The following NCOR2 variants were observed in gnomAD, a reference collection of about 807,000 sequenced individuals.
NCOR2 encodes nuclear receptor corepressor 2, also known as CTG repeat protein 26.
NCOR2 carries 81 observed loss-of-function variants against 262.9 expected under a neutral mutation model. The ratio of observed to expected loss-of-function variants is 0.31; its 90% CI spans 0.26 to 0.37. NCOR2 has a LOEUF of 0.37. NCOR2 is among the 10% of genes least tolerant of loss of function. The pLI is 1.00. For missense variants in NCOR2, 3,385 were observed against 3,621.4 expected, an observed-to-expected ratio of 0.93 and a Z score of 1.68; for synonymous variants, 1,659 against 1,559.3, an observed-to-expected ratio of 1.06 and a Z score of -1.51.
At chr12:124,360,631 G>A (rs897269955) in intron 22 of NCOR2, among the ~76,000 whole-genome samples, 7 of 152,054 alleles carry the variant, frequency 4.6e-5, no homozygotes, top group South Asian at 4.1e-4. Flanking sequence ...CACACAATCC[G>A]GTCCCCACTT....
intron 17 of NCOR2, among the ~76,000 whole-genome samples, chr12:124,381,806 G>C (rs529713408): frequency 1.3e-5 from 2 of 152,238 alleles, no homozygotes; most frequent in Non-Finnish European, 2.9e-5. Flanking sequence ...CGTGGAAGCC[G>C]AGCCCCAGGG....
At chr12:124,487,731 G>A (rs994457941) in intron 1 of NCOR2, among the ~76,000 whole-genome samples, 5 of 152,202 alleles carry the variant, frequency 3.3e-5, no homozygotes, top group Admixed American at 6.5e-5. Flanking sequence ...TGTCCTGTAC[G>A]GTCTTCCTGC....
chr12:124,351,421 C>T (rs1440733135), intron 27 of NCOR2, among the ~76,000 whole-genome samples: 2 of 152,204 alleles, frequency 1.3e-5, no homozygotes, highest in Non-Finnish European at 2.9e-5. Flanking sequence ...TTAACAGCAT[C>T]CCTGGCTTCA....
At chr12:124,413,783 C>T (rs1310273284) in intron 13 of NCOR2, among the ~76,000 whole-genome samples, 1 of 152,070 alleles carries the variant, frequency 6.6e-6, no homozygotes, top group Non-Finnish European at 1.5e-5. Context: ...TGAGGAAGAG[C>T]CCTCAGCAAC....
chr12:124,380,883 T>C (rs1815649837), intron 17 of NCOR2, among the ~76,000 whole-genome samples: 1 of 152,090 alleles, frequency 6.6e-6, no homozygotes, highest in Non-Finnish European at 1.5e-5. Context: ...GAGTTACAGT[T>C]AATCCTTACA....
At chr12:124,402,227 C>T (rs567027162) in intron 14 of NCOR2, among the ~76,000 whole-genome samples, 177 bp downstream of exon 16, 23 of 152,054 alleles carry the variant, frequency 1.5e-4, no homozygotes, top group African/African-American at 5.1e-4. Context: ...AGGAGTAGGG[C>T]GATGGGTGGG....
chr12:124,472,459 C>CA (rs2046875439), intron 4 of NCOR2, among the ~76,000 whole-genome samples: 1 of 152,142 alleles, frequency 6.6e-6, no homozygotes, highest in African/African-American at 2.4e-5. Flanking sequence ...GTTAGGAGGC[C>CA]AGTCCATTCA....
intron 20 of NCOR2, among the ~76,000 whole-genome samples, chr12:124,368,990 C>A (rs1022493081): frequency 6.6e-6 from 1 of 152,256 alleles, no homozygotes; most frequent in East Asian, 1.9e-4. Context: ...CTCCAGCCCC[C>A]TCTTGGGGTG....
In NCOR2 at chr12:124,504,604, T is replaced by C. The variant is rs758445252; in HGVS notation, c.-117-9236A>G. 1.3e-5 allele frequency among the ~76,000 whole-genome samples: 2 copies of C among 152,166 alleles called. No individual in the cohort carries two copies. The highest frequency in any genetic ancestry group is 4.8e-5 in the African/African-American group (2 of 41,436). ...GATTAGAATGCCCACAGCAGCACTA[T>C]TTACATCAGCCAACAAGCAGAAACA... On this transcript the variant is annotated intron_variant, in intron 1 of 46. Coordinates refer to the NCOR2 transcript ENST00000404621. This position sits in a 1 kb window ranked among gnomAD's most constrained non-coding sequence, Gnocchi z 4.5.
chr12:124,520,628 A>G (rs948714882), intron 1 of NCOR2, among the ~76,000 whole-genome samples: 1 of 152,142 alleles, frequency 6.6e-6, no homozygotes, highest in Admixed American at 6.5e-5. Context: ...TGAGTGACTT[A>G]ATGAAGACCA....
chr12:124,350,771 T>C (rs1448763652), intron 27 of NCOR2, 34 bp from the exon 30 acceptor site: 3 of 1,594,232 alleles, frequency 1.9e-6, no homozygotes, highest in Admixed American at 1.7e-5. Flanking sequence ...CCCAGGAGGC[T>C]GCAGCCCAGG....
intron 26 of NCOR2, 116 bp from the exon 29 acceptor site, chr12:124,354,312 G>T: frequency 8.2e-7 from 1 of 1,223,350 alleles, no homozygotes; most frequent in Non-Finnish European, 1.1e-6. Context: ...TTGTTTCAAC[G>T]CAGAGGGAGT....
At chr12:124,473,008 C>T (rs369121940) in exon 4 of NCOR2, 8 of 1,614,188 alleles carry the variant, frequency 5.0e-6, no homozygotes, top group Middle Eastern at 1.6e-4. Context: ...TCTCGGTCCA[C>T]GCGGTCCATG....
intron 1 of NCOR2, among the ~76,000 whole-genome samples, chr12:124,560,865 G>A (rs924544911): frequency 1.3e-5 from 2 of 152,154 alleles, no homozygotes; most frequent in Admixed American, 6.5e-5. Context: ...AACTGGCAGA[G>A]TTTTGAATGC....
chr12:124,559,200 C>T (rs2051988828), intron 1 of NCOR2, among the ~76,000 whole-genome samples: 1 of 152,204 alleles, frequency 6.6e-6, no homozygotes, highest in South Asian at 2.1e-4. Context: ...CAAAGAAAGG[C>T]CAGCAGGAGA....
intron 8 of NCOR2, among the ~76,000 whole-genome samples, chr12:124,437,156 T>C (rs945070320): frequency 6.6e-6 from 1 of 151,978 alleles, no homozygotes; most frequent in African/African-American, 2.4e-5. Context: ...AAGGCAAGAC[T>C]TGAGTTGAAA....
Position 124,457,282 on chromosome 12 carries a change from G to A in NCOR2, c.706-120C>T. 4.4e-6 allele frequency: 5 copies of A among 1,136,876 alleles called. No homozygotes were observed. Among genetic ancestry groups the A allele is most frequent in the Middle Eastern group, 2.4e-4 (1 of 4,140 alleles). The allele number at this position is 1,136,876 out of a possible 1,614,324, so 70.4% of individuals were successfully genotyped here. A position where few individuals can be genotyped will look rare whatever the true frequency, so the allele number is the denominator to read the frequency against. On this transcript the variant is annotated intron_variant, in intron 5 of 46. Coordinates refer to ENST00000405201, the Ensembl canonical transcript of NCOR2. This position sits in a 1 kb window ranked among gnomAD's most constrained non-coding sequence, Gnocchi z 4.0. ...GCCCAGTCCAGCATGCTGATCCTCA[G>A]CACGGGGGAGGGAGGCCCGGGGCCC...
At chr12:124,383,533 CAAA>C (rs72488781) in intron 17 of NCOR2, 142 of 463,154 alleles carry the variant, frequency 3.1e-4, no homozygotes, top group Non-Finnish European at 3.4e-4. Context: ...CCTTCCAACT[CAAA>C]AAAAAAAAAA....
At chr12:124,402,003 C>A (rs370397288) in intron 14 of NCOR2, among the ~76,000 whole-genome samples, 1 of 152,186 alleles carries the variant, frequency 6.6e-6, no homozygotes, top group East Asian at 1.9e-4. Flanking sequence ...CGCCTGCACA[C>A]CTAGTCCTTC....
Sources: gnomAD v4.1 joint callset for allele counts (sites outside exome capture counted in the v4.1 genomes callset) on GRCh38, gnomAD v4.1.1 for gene constraint, Gnocchi (gnomAD v3.1) non-coding constraint, MANE v1.5 for transcripts, NCBI Gene and HGNC (gene_info 2026-07-23, HGNC 2026-07-21) for gene names.